Variants in THAP4 observed in about 807,000 individuals in gnomAD.
THAP4 encodes the protein peroxynitrite isomerase THAP4.
In THAP4, 18 loss-of-function variants were observed where a neutral mutation model predicts 48.1. The ratio of observed to expected loss-of-function variants is 0.37; its 90% CI spans 0.26 to 0.56. The LOEUF is 0.56. Among genes scored for constraint, THAP4 ranks in the 20% least tolerant of loss-of-function variants. The pLI is 0.78. For missense variants in THAP4, 656 were observed against 774.9 expected (o/e 0.85, Z 1.82); for synonymous variants, 345 against 324.9 (o/e 1.06, Z -0.66).
Position 241,601,488 on chromosome 2 carries a change from C to T in THAP4, c.1614+408G>A, listed in dbSNP as rs2067112212. Among the ~76,000 whole-genome samples, 2 of 152,150 alleles carry T rather than the reference C, an allele frequency of 1.3e-5. No homozygotes were observed. Among genetic ancestry groups the T allele is most frequent in the Admixed American group, 1.3e-4 (2 of 15,278 alleles). ...ATGTTGTTAAGGAGTAGGGAACCAG[C>T]TGCCCTCATGCAAGAGATAGTGGGA... is the stretch of plus-strand genomic sequence containing the variant. On this transcript the variant is annotated intron_variant, in intron 5 of 5. Transcript: ENST00000407315. This position sits in a 1 kb window ranked among gnomAD's most constrained non-coding sequence, Gnocchi z 4.0.
At chr2:241,598,544 G>A (rs918814460) in intron 5 of THAP4, among the ~76,000 whole-genome samples, 1 of 152,170 alleles carries the variant, frequency 6.6e-6, no homozygotes, top group East Asian at 1.9e-4. Context: ...GGGGGTGGGG[G>A]TGGTTTTGGG....
chr2:241,636,048 A>C (rs1465899690), intron 1 of THAP4, among the ~76,000 whole-genome samples: 1 of 152,222 alleles, frequency 6.6e-6, no homozygotes, highest in African/African-American at 2.4e-5. Flanking sequence ...TTCAAAAAAC[A>C]ATAACAAAAC....
In THAP4 at chr2:241,587,335, G is replaced by GC. The variant is rs1559214927; in HGVS notation, c.1615-2611dup. On this transcript the variant is annotated intron_variant, in intron 5 of 5. Transcript: ENST00000407315. ...CTCCCCCGTCCTTGGACACCTCCAG[G>GC]CCCCCCGACCTTTGGACTCCCAGAT... is the stretch of plus-strand genomic sequence containing the variant. 2.0e-5 allele frequency among the ~76,000 whole-genome samples: 3 copies of GC among 152,046 alleles called. No individual in the cohort carries two copies. The East Asian group carries it at 5.8e-4, about 29-fold the overall frequency.
intron 5 of THAP4, chr2:241,591,863 T>C (rs1000626992): frequency 2.0e-5 from 3 of 152,216 alleles, no homozygotes; most frequent in South Asian, 2.1e-4. Flanking sequence ...AAGGAAGAGA[T>C]TGGCAAACTG....
rs542903421 is a variant in THAP4, at chr2:241,612,586, G to A, written c.1241-6113C>T. Among the ~76,000 whole-genome samples the A allele has an allele frequency of 2.0e-5, 3 of 152,294 alleles. No individual in the cohort carries two copies. Among genetic ancestry groups the A allele is most frequent in the Admixed American group, 1.3e-4 (2 of 15,294 alleles). On this transcript the variant is annotated intron_variant, in intron 2 of 5. Transcript: ENST00000407315. This position sits in a 1 kb window ranked among gnomAD's most constrained non-coding sequence, Gnocchi z 4.1. ...TATCCAGACAATGGAATGTTATTTG[G>A]CCATAAAAATGAAGCACTAATATAA...
At chr2:241,603,172 G>C in intron 3 of THAP4, 93 bp from the exon 4 acceptor site, 1 of 995,732 alleles carries the variant, frequency 1.0e-6, no homozygotes, top group Non-Finnish European at 1.6e-6. Flanking sequence ...GTGCCCTCCA[G>C]GTGGCTGCTC....
intron 5 of THAP4, among the ~76,000 whole-genome samples, chr2:241,589,222 AAAG>A (rs1408696122): frequency 6.6e-6 from 1 of 151,430 alleles, no homozygotes; most frequent in African/African-American, 2.4e-5. Context: ...CAAAAAAAAA[AAAG>A]AAAAAGAAAA....
At chr2:241,597,143 T>G (rs1023120191) in intron 5 of THAP4, among the ~76,000 whole-genome samples, 1 of 152,106 alleles carries the variant, frequency 6.6e-6, no homozygotes, top group Non-Finnish European at 1.5e-5. Flanking sequence ...ACTTCTTTTT[T>G]CCCCAAGATG....
chr2:241,632,840 A>G (rs2067582751), intron 2 of THAP4, 77 bp downstream of exon 2: 1 of 1,186,192 alleles, frequency 8.4e-7, no homozygotes, highest in Admixed American at 2.8e-5. Flanking sequence ...AGAAATGCTC[A>G]GGGGACGCTG....
intron 5 of THAP4, among the ~76,000 whole-genome samples, chr2:241,590,571 T>G (rs868076774): frequency 1.3e-5 from 1 of 79,708 alleles, no homozygotes; most frequent in South Asian, 7.4e-4. Flanking sequence ...GCCCGGCTGA[T>G]GATGAGGGGC....
chr2:241,624,446 C>T (rs2067470809), intron 2 of THAP4, among the ~76,000 whole-genome samples: 1 of 151,388 alleles, frequency 6.6e-6, no homozygotes, highest in South Asian at 2.1e-4. Context: ...GAGATCGCGC[C>T]ACTGTACTCC....
Position 241,606,625 on chromosome 2 carries a change from A to T in THAP4, c.1241-152T>A, listed in dbSNP as rs542764376. On this transcript the variant is annotated intron_variant, in intron 2 of 5. Transcript: ENST00000407315. ...CAAGAGCGGGAGAAAATGGTCAAGC[A>T]ACTGTAAATGTCATAGTGAAAGATC... 34 of 720,870 alleles carry T rather than the reference A, an allele frequency of 4.7e-5. No homozygotes were observed. The South Asian group carries it at 8.2e-4, about 17-fold the overall frequency. The allele number at this position is 720,870 out of a possible 1,614,324, so 44.7% of individuals were successfully genotyped here.
intron 2 of THAP4, chr2:241,617,515 AG>A: frequency 1.3e-6 from 2 of 1,523,800 alleles, no homozygotes; most frequent in Non-Finnish European, 1.8e-6. Context: ...ATGGCTCTGC[AG>A]GAAGTGAATG....
intron 2 of THAP4, among the ~76,000 whole-genome samples, chr2:241,629,354 C>T (rs1309176469): frequency 6.6e-6 from 1 of 151,656 alleles, no homozygotes; most frequent in East Asian, 1.9e-4. Flanking sequence ...GCCTGTAGTC[C>T]CAGCTACTCG....
chr2:241,634,893 C>CA (rs112566745), intron 1 of THAP4, among the ~76,000 whole-genome samples: 1 of 152,066 alleles, frequency 6.6e-6, no homozygotes, highest in African/African-American at 2.4e-5. Context: ...AGGGCAGGTG[C>CA]AAAAAAACAA....
At position 241,601,105 on chromosome 2, in the gene THAP4, C is replaced by T. The variant is rs1266309199; in HGVS notation, c.1614+791G>A. The stretch of plus-strand genomic sequence containing the variant: ...ACCAGCCTGACCAACATGGAGAAAC[C>T]CTGTCTCTACTAATAATACAAAATT... On this transcript the variant is annotated intron_variant, in intron 5 of 5. Coordinates refer to ENST00000407315, the MANE Select transcript of THAP4 (RefSeq NM_015963.6). The surrounding 1 kb of genome is among the most constrained non-coding windows in gnomAD (Gnocchi z 4.0). 5.3e-5 allele frequency among the ~76,000 whole-genome samples: 8 copies of T among 152,012 alleles called. No homozygotes were observed. Among genetic ancestry groups the T allele is most frequent in the Non-Finnish European group, 1.2e-4 (8 of 68,006 alleles).
At chr2:241,594,250 G>T (rs1038871724) in intron 5 of THAP4, among the ~76,000 whole-genome samples, 1 of 152,084 alleles carries the variant, frequency 6.6e-6, no homozygotes, top group Non-Finnish European at 1.5e-5. Context: ...TGGAAGTTGG[G>T]GCTGACAGCT....
At position 241,637,118 on chromosome 2, in the gene THAP4, G is replaced by C. The variant is rs1299657410; in HGVS notation, c.-101C>G. The C allele has an allele frequency of 7.0e-6, 7 of 1,001,790 alleles. No individual in the cohort carries two copies. In the African/African-American group the frequency reaches 1.2e-4, roughly 18 times the overall value. The allele number at this position is 1,001,790 out of a possible 1,614,324, so 62.1% of individuals were successfully genotyped here. ...GGAGCGCGGCGGCGACACGGCTCGG[G>C]ACGTGGGCCGGCCCGCGGCGTCCGC... On this transcript the variant is annotated 5_prime_UTR_variant, in exon 1 of 6. Coordinates refer to ENST00000407315, the MANE Select transcript of THAP4 (RefSeq NM_015963.6).
At chr2:241,625,080 A>C (rs2067480472) in intron 2 of THAP4, among the ~76,000 whole-genome samples, 1 of 152,226 alleles carries the variant, frequency 6.6e-6, no homozygotes, top group African/African-American at 2.4e-5. Context: ...TTTACCAAGC[A>C]TTCAAGGAAG....
Sources: allele counts gnomAD v4.1 joint callset (sites outside exome capture counted in the v4.1 genomes callset), GRCh38; gene constraint gnomAD v4.1.1; non-coding constraint Gnocchi (gnomAD v3.1); transcripts MANE v1.5; gene names NCBI Gene and HGNC (gene_info 2026-07-23, HGNC 2026-07-21).